The following BANK1 variants were observed in gnomAD, a reference collection of about 807,000 sequenced individuals.
BANK1 encodes B cell scaffold protein with ankyrin repeats 1.
A neutral mutation model predicts 94.5 loss-of-function variants in BANK1; 95 were observed. The ratio of observed to expected loss-of-function variants is 1.00; its 90% CI spans 0.85 to 1.19. BANK1 has a LOEUF of 1.19. BANK1 is among the 50% of genes most tolerant of loss of function. The pLI is 0.00. For synonymous variants in BANK1, 334 were observed against 308.4 expected, an observed-to-expected ratio of 1.08 and a Z score of -0.87; for missense variants, 987 against 932.2, an observed-to-expected ratio of 1.06 and a Z score of -0.77.
At chr4:101,815,024 A>G (rs1280041061) in intron 1 of BANK1, among the ~76,000 whole-genome samples, 1 of 152,220 alleles carries the variant, frequency 6.6e-6, no homozygotes, top group East Asian at 1.9e-4. Context: ...GTTAAGCAGT[A>G]TTAAGAAATA....
intron 7 of BANK1, among the ~76,000 whole-genome samples, chr4:101,929,542 T>C (rs1440011919): frequency 6.6e-6 from 1 of 151,632 alleles, no homozygotes; most frequent in Non-Finnish European, 1.5e-5. Context: ...AAAACGAATG[T>C]AGGAAACAAT....
At chr4:102,027,031 G>T (rs901293052) in intron 9 of BANK1, among the ~76,000 whole-genome samples, 3 of 151,952 alleles carry the variant, frequency 2.0e-5, no homozygotes, top group African/African-American at 7.3e-5. Flanking sequence ...ATATTTGAAG[G>T]TCTTGTGGAC....
At chr4:101,928,196 C>A (rs1723227240) in intron 7 of BANK1, among the ~76,000 whole-genome samples, 1 of 151,572 alleles carries the variant, frequency 6.6e-6, no homozygotes, top group African/African-American at 2.4e-5. Flanking sequence ...CTCTATGATA[C>A]TTTGGGGACA....
At chr4:101,861,670 T>A (rs1727881495) in intron 3 of BANK1, among the ~76,000 whole-genome samples, 1 of 152,088 alleles carries the variant, frequency 6.6e-6, no homozygotes, top group African/African-American at 2.4e-5. Flanking sequence ...TTGGTATGTG[T>A]ATGTGTGTGT....
rs377557916 is a variant in BANK1, at chr4:102,057,320, TTCTC to T, written c.1970-2877_1970-2874del. On this transcript the variant is annotated intron_variant, in intron 11 of 16. Coordinates refer to ENST00000322953, the MANE Select transcript of BANK1 (RefSeq NM_017935.5). ...TCTTTCTCTCTCCCTGTTTCTCTAT[TTCTC>T]TCTCTCTCTCTCTTTCTCTCTCTCT... Among the ~76,000 whole-genome samples, 1,042 of 146,102 alleles carry T rather than the reference TTCTC, an allele frequency of 7.1e-3. 7 individuals are homozygous for T. Among genetic ancestry groups the T allele is most frequent in the African/African-American group, 0.025 (993 of 39,712 alleles).
chr4:101,884,359 T>G (rs954134952), intron 5 of BANK1, among the ~76,000 whole-genome samples: 1 of 152,198 alleles, frequency 6.6e-6, no homozygotes, highest in Non-Finnish European at 1.5e-5. Context: ...ATTCAATTTT[T>G]TTTTGTTTTC....
intron 7 of BANK1, among the ~76,000 whole-genome samples, chr4:101,947,294 T>TAC (rs1723964071): frequency 1.3e-5 from 1 of 74,676 alleles, no homozygotes; most frequent in Admixed American, 1.3e-4. Context: ...AATATATATA[T>TAC]ATATATATAT....
chr4:101,803,997 C>CAAAAAAAA (rs55704915), intron 1 of BANK1, among the ~76,000 whole-genome samples: 7 of 68,388 alleles, frequency 1.0e-4, no homozygotes, highest in African/African-American at 2.7e-4. Context: ...GACTCCGTCT[C>CAAAAAAAA]AAAAAAAAAA....
rs1187828707 is a variant in BANK1 at position 102,007,133 on chromosome 4, TAA to T, written c.1207-14376_1207-14375del. On this transcript the variant is annotated intron_variant, in intron 7 of 16. Coordinates refer to ENST00000322953, the MANE Select transcript of BANK1 (RefSeq NM_017935.5). ...TATAAATATATATTTTATATATATA[TAA>T]AAAATATATTTTATATATATATATA... Among the ~76,000 whole-genome samples the T allele has an allele frequency of 2.3e-3, 101 of 44,694 alleles. 3 individuals carry two copies. Among genetic ancestry groups the T allele is most frequent in the African/African-American group, 7.3e-3 (79 of 10,870 alleles). 29.3% of individuals were successfully genotyped at this position (44,694 alleles called of 152,430 possible).
At chr4:101,824,149 C>A (rs1025531210) in intron 1 of BANK1, among the ~76,000 whole-genome samples, 5 of 152,236 alleles carry the variant, frequency 3.3e-5, no homozygotes, top group Non-Finnish European at 7.3e-5. Context: ...ACATTTACTT[C>A]TGTTCCTCAC....
intron 2 of BANK1, among the ~76,000 whole-genome samples, chr4:101,833,339 A>G (rs1006461952): frequency 6.6e-6 from 1 of 152,166 alleles, no homozygotes; most frequent in African/African-American, 2.4e-5. Context: ...CAATGGAGAT[A>G]GACAGAGTGG....
intron 7 of BANK1, among the ~76,000 whole-genome samples, chr4:101,951,187 C>T (rs984573813): frequency 1.3e-5 from 2 of 152,050 alleles, no homozygotes; most frequent in Admixed American, 1.3e-4. Flanking sequence ...ATGGGGGAAA[C>T]TGGGTGTGAA....
intron 10 of BANK1, among the ~76,000 whole-genome samples, chr4:102,032,839 C>T (rs770952494): frequency 3.3e-5 from 5 of 151,490 alleles, no homozygotes; most frequent in African/African-American, 7.3e-5. Flanking sequence ...GAGCCAACAT[C>T]GCACCACTCC....
intron 7 of BANK1, among the ~76,000 whole-genome samples, chr4:102,017,394 T>G (rs1726740682): frequency 6.6e-6 from 1 of 152,160 alleles, no homozygotes; most frequent in Admixed American, 6.5e-5. Context: ...AGCCTGATAT[T>G]CATAACTGTA....
At chr4:101,917,755 TACCTC>T (rs2148899989) in intron 6 of BANK1, among the ~76,000 whole-genome samples, 1 of 152,012 alleles carries the variant, frequency 6.6e-6, no homozygotes, top group East Asian at 1.9e-4. Flanking sequence ...AAATTAAACT[TACCTC>T]ACAAGTAAGA....
At chr4:101,915,367 A>G (rs1238773761) in intron 6 of BANK1, among the ~76,000 whole-genome samples, 1 of 152,192 alleles carries the variant, frequency 6.6e-6, no homozygotes, top group Non-Finnish European at 1.5e-5. Context: ...CTCATGAAAG[A>G]TAAATATTAA....
At chr4:101,820,669 T>G (rs996635494) in intron 1 of BANK1, among the ~76,000 whole-genome samples, 2 of 152,134 alleles carry the variant, frequency 1.3e-5, no homozygotes, top group South Asian at 4.1e-4. Context: ...TGTTTCCTTT[T>G]TTGTGTTCAT....
At position 101,870,581 on chromosome 4, in the gene BANK1, C is replaced by T; in HGVS notation, c.840C>T (p.Tyr280=). ...IVKATTKIKY[Y]PTAKAKECLF... is the part of the protein sequence containing the mutation. ...AAGCTACAACCAAAATTAAGTACTA[C>T]CCAACAGCAAAGGCAAAGGAATGCC... The change falls in exon 5 of 17, where the codon TAC becomes TAT. Residue 280 remains tyrosine (Y), a synonymous_variant. Transcript: ENST00000322953. The T allele has an allele frequency of 6.2e-7, 1 of 1,612,840 alleles. No individual in the cohort carries two copies. Among genetic ancestry groups the T allele is most frequent in the Non-Finnish European group, 8.5e-7 (1 of 1,179,254 alleles).
chr4:101,970,115 A>G (rs1303889804), intron 7 of BANK1, among the ~76,000 whole-genome samples: 1 of 152,028 alleles, frequency 6.6e-6, no homozygotes, highest in African/African-American at 2.4e-5. Flanking sequence ...TTCCTCCTCT[A>G]AGTTCCCATC....
Sources: allele counts gnomAD v4.1 joint callset (sites outside exome capture counted in the v4.1 genomes callset), GRCh38; gene constraint gnomAD v4.1.1; transcripts MANE v1.5; gene names NCBI Gene and HGNC (gene_info 2026-07-23, HGNC 2026-07-21).